The following DGKH variants were observed in gnomAD, a reference collection of about 807,000 sequenced individuals.
DGKH encodes DAG kinase eta.
DGKH carries 90 observed loss-of-function variants against 159.3 expected under a neutral mutation model. The ratio of observed to expected loss-of-function variants is 0.57; its 90% CI spans 0.48 to 0.67. The LOEUF (loss-of-function observed/expected upper bound fraction) is 0.67. DGKH is among the 30% of genes least tolerant of loss of function. The pLI, the probability that DGKH is intolerant of heterozygous loss-of-function variation, is 0.00. For synonymous variants in DGKH, 536 were observed against 553.8 expected (o/e 0.97, Z 0.45); for missense variants, 1,181 against 1,506.1 (o/e 0.78, Z 3.57).
chr13:42,084,051 AC>A (rs1202639412), intron 1 of DGKH, among the ~76,000 whole-genome samples: 3 of 152,164 alleles, frequency 2.0e-5, no homozygotes, highest in Non-Finnish European at 4.4e-5. Flanking sequence ...TGAAGCCATA[AC>A]TAGAAATTGA....
rs1958271725 is a variant in DGKH, at chr13:42,230,813, T to TA, written c.*1627dup. On this transcript the variant is annotated 3_prime_UTR_variant, in exon 30 of 30. Coordinates refer to ENST00000337343, the MANE Select transcript of DGKH (RefSeq NM_178009.5). ...TTCCCCAGTGTTTAAAGAGAAATAC[T>TA]AATAGGCGAGCATTTAAAATGAACT... The TA allele has an allele frequency of 1.3e-5, 2 of 152,180 alleles. No individual in the cohort carries two copies. Among genetic ancestry groups the TA allele is most frequent in the African/African-American group, 2.4e-5 (1 of 41,450 alleles). The allele number at this position is 152,180 out of a possible 1,614,324, so 9.4% of individuals were successfully genotyped here. A position where few individuals can be genotyped will look rare whatever the true frequency, so the allele number is the denominator to read the frequency against.
At chr13:42,140,685 T>C (rs1268284525) in intron 3 of DGKH, 1 of 152,100 alleles carries the variant, frequency 6.6e-6, no homozygotes, top group Non-Finnish European at 1.5e-5. Context: ...AGAAGGGCAA[T>C]GGAATTTACC....
chr13:42,181,467 G>T, intron 13 of DGKH: 1 of 161,562 alleles, frequency 6.2e-6, no homozygotes. Context: ...AACTTGATTA[G>T]GCCAGTCCAT....
At chr13:42,182,764 A>G (rs900910169) in intron 13 of DGKH, among the ~76,000 whole-genome samples, 2 of 152,176 alleles carry the variant, frequency 1.3e-5, no homozygotes, top group Admixed American at 6.5e-5. Context: ...GCACGTGTGC[A>G]TGTGCGCACA....
At chr13:42,117,863 G>A (rs1954992241) in intron 1 of DGKH, among the ~76,000 whole-genome samples, 2 of 152,106 alleles carry the variant, frequency 1.3e-5, no homozygotes, top group Admixed American at 6.6e-5. Context: ...TTTGAGCGTT[G>A]TGTCCATTTT....
At position 42,230,262 on chromosome 13, in the gene DGKH, G is replaced by A. The variant is rs1958253077; in HGVS notation, c.*1074G>A. The A allele has an allele frequency of 6.6e-6, 1 of 152,074 alleles. No individual in the cohort carries two copies. The highest frequency in any genetic ancestry group is 1.5e-5 in the Non-Finnish European group (1 of 68,028). 9.4% of individuals were successfully genotyped at this position (152,074 alleles called of 1,614,324 possible). On this transcript the variant is annotated 3_prime_UTR_variant, in exon 30 of 30. Transcript: ENST00000337343. Reference sequence around the variant, plus strand: ...GATTTATATACTGACAGATAACCCAGACTCACCCGCTCTCTACAGTGACTT... The same window carrying A: ...GATTTATATACTGACAGATAACCCAAACTCACCCGCTCTCTACAGTGACTT...
In DGKH at chr13:42,168,568, C is replaced by T. The variant is rs1956365414; in HGVS notation, c.1227+20C>T. On this transcript the variant is annotated intron_variant, in intron 10 of 29. Transcript: ENST00000337343. Reference sequence around the variant, plus strand: ...AAACAGGCAAGTGCTAATTCTTTTACTTGCTAGTTAACATGAATGCATACT... The same window carrying T: ...AAACAGGCAAGTGCTAATTCTTTTATTTGCTAGTTAACATGAATGCATACT... 6.2e-7 allele frequency: 1 copy of T among 1,613,806 alleles called. No homozygotes were observed. The highest frequency in any genetic ancestry group is 8.5e-7 in the Non-Finnish European group (1 of 1,179,752).
chr13:42,096,725 C>G (rs1419091167), intron 1 of DGKH, among the ~76,000 whole-genome samples: 1 of 152,180 alleles, frequency 6.6e-6, no homozygotes, highest in Non-Finnish European at 1.5e-5. Context: ...CTACTGGAAG[C>G]TAATGTTCCT....
chr13:42,122,262 A>G (rs1955089185), intron 1 of DGKH, among the ~76,000 whole-genome samples: 1 of 152,136 alleles, frequency 6.6e-6, no homozygotes, highest in East Asian at 1.9e-4. Flanking sequence ...GCAGTTTCTT[A>G]GTTCATTTTT....
rs377325607 is a variant in DGKH, at chr13:42,091,773, G to A, written c.193-35690G>A. On this transcript the variant is annotated intron_variant, in intron 1 of 29. Coordinates refer to ENST00000337343, the MANE Select transcript of DGKH (RefSeq NM_178009.5). Reference sequence around the variant, plus strand: ...TAAAAATGGGCAAAATACTTGAATAGACATTTCTTAAAAGAAGACATACAA... The same window carrying A: ...TAAAAATGGGCAAAATACTTGAATAAACATTTCTTAAAAGAAGACATACAA... 1.8e-4 allele frequency among the ~76,000 whole-genome samples: 27 copies of A among 152,274 alleles called. 1 individual carries two copies. The highest frequency in any genetic ancestry group is 6.3e-4 in the African/African-American group (26 of 41,538).
intron 1 of DGKH, chr13:42,066,112 C>T (rs1476373437): frequency 6.6e-6 from 1 of 152,240 alleles, no homozygotes; most frequent in Non-Finnish European, 1.5e-5. Context: ...GTTGGCCAGG[C>T]TGGTCACTTC....
Position 42,109,137 on chromosome 13 carries a change from A to C in DGKH, c.193-18326A>C, listed in dbSNP as rs753161966. Among the ~76,000 whole-genome samples, 8 of 152,342 alleles carry C rather than the reference A, an allele frequency of 5.3e-5. No homozygotes were observed. The South Asian group carries it at 1.7e-3, about 32-fold the overall frequency. ...CTAAGGAGACAAAGATGAAGTAAAC[A>C]TGAATCTGACTTGGGGACATTTACT... On this transcript the variant is annotated intron_variant, in intron 1 of 29. Transcript: ENST00000337343.
chr13:42,240,465 T>G lies in DGKH; in HGVS notation c.*11277T>G, dbSNP rs996675674. 6.6e-5 allele frequency: 10 copies of G among 152,364 alleles called. No homozygotes were observed. The highest frequency in any genetic ancestry group is 2.4e-4 in the African/African-American group (10 of 41,582). 9.4% of individuals were successfully genotyped at this position (152,364 alleles called of 1,614,324 possible). Reference sequence around the variant, plus strand: ...CTTAAATATGCCCTAAAGATCATCTTTCTCTTTTATAGACATTTAGTGTAT... The same window carrying G: ...CTTAAATATGCCCTAAAGATCATCTGTCTCTTTTATAGACATTTAGTGTAT... On this transcript the variant is annotated 3_prime_UTR_variant, in exon 30 of 30. Transcript: ENST00000337343.
At chr13:42,255,925 T>C in intron 30 of DGKH, 1 of 1,594,690 alleles carries the variant, frequency 6.3e-7, no homozygotes. Flanking sequence ...TTGTCACTGC[T>C]CCAAATAAAT....
At position 42,235,009 on chromosome 13, in the gene DGKH, A is replaced by G. The variant is rs1028010495; in HGVS notation, c.*5821A>G. On this transcript the variant is annotated 3_prime_UTR_variant, in exon 30 of 30. Transcript: ENST00000337343. Reference sequence around the variant, plus strand: ...TTCTTTCCAACTTTTGTTTGGAGACATTTATGTTAGAAGAAAAACTATAAA... The same window carrying G: ...TTCTTTCCAACTTTTGTTTGGAGACGTTTATGTTAGAAGAAAAACTATAAA... 3.9e-5 allele frequency: 6 copies of G among 152,108 alleles called. No individual in the cohort carries two copies. The highest frequency in any genetic ancestry group is 1.2e-4 in the African/African-American group (5 of 41,414). 9.4% of individuals were successfully genotyped at this position (152,108 alleles called of 1,614,324 possible).
chr13:42,172,354 G>A (rs964859633), intron 11 of DGKH, among the ~76,000 whole-genome samples: 3 of 152,066 alleles, frequency 2.0e-5, no homozygotes, highest in African/African-American at 4.8e-5. Flanking sequence ...TCTTGACCTC[G>A]TGATCTGCCC....
downstream of DGKH, among the ~76,000 whole-genome samples, chr13:42,244,941 C>CATACACAATCT (rs1958569636): frequency 8.8e-6 from 1 of 113,638 alleles, no homozygotes; most frequent in Non-Finnish European, 1.8e-5. Context: ...AAAAGAACAA[C>CATACACAATCT]ATACACAATC....
intron 29 of DGKH, among the ~76,000 whole-genome samples, chr13:42,250,340 G>T (rs1566239404): frequency 6.6e-6 from 1 of 152,040 alleles, no homozygotes; most frequent in Non-Finnish European, 1.5e-5. Context: ...GGTACAATGT[G>T]ATACTTCAAT....
At chr13:42,159,958 AAG>A in intron 6 of DGKH, 51 bp from the exon 7 acceptor site, 1 of 1,613,360 alleles carries the variant, frequency 6.2e-7, no homozygotes, top group African/African-American at 1.3e-5. Context: ...CCCCTGGGGT[AAG>A]GTTGGTGTCC....
Sources: gnomAD v4.1 joint callset for allele counts (sites outside exome capture counted in the v4.1 genomes callset) on GRCh38, gnomAD v4.1.1 for gene constraint, MANE v1.5 for transcripts, NCBI Gene and HGNC (gene_info 2026-07-23, HGNC 2026-07-21) for gene names.